CTNNA3: variants seen among roughly 807,000 people sequenced by gnomAD.
CTNNA3 encodes the protein catenin alpha 3.
In CTNNA3, 76 loss-of-function variants were observed where a neutral mutation model predicts 95.7. The observed-to-expected ratio is 0.79, with a 90% CI of 0.66 to 0.96. The LOEUF (loss-of-function observed/expected upper bound fraction) is 0.96, where lower values mean the gene tolerates loss of function less well. Ranked by LOEUF, CTNNA3 falls within the 40% of genes least tolerant of loss-of-function variation. The pLI is 0.00. For synonymous variants in CTNNA3, 431 were observed against 374.4 expected, an observed-to-expected ratio of 1.15 and a Z score of -1.74; for missense variants, 1,191 against 1,089.8, an observed-to-expected ratio of 1.09 and a Z score of -1.31.
chr10:65,935,055 T>C (rs16922196), intron 17 of CTNNA3, among the ~76,000 whole-genome samples: 2,368 of 152,212 alleles, frequency 0.016, 71 homozygotes, highest in African/African-American at 0.054. Flanking sequence ...GCTGAAATGA[T>C]AAGACATGTA....
chr10:66,484,577 G>T (rs2131913047), intron 11 of CTNNA3, among the ~76,000 whole-genome samples: 1 of 152,044 alleles, frequency 6.6e-6, no homozygotes, highest in Non-Finnish European at 1.5e-5. Flanking sequence ...GAAAACATGG[G>T]ATTGGTTCAA....
chr10:67,479,081 C>G (rs1008968649), intron 5 of CTNNA3, among the ~76,000 whole-genome samples: 1 of 152,090 alleles, frequency 6.6e-6, no homozygotes, highest in Non-Finnish European at 1.5e-5. Flanking sequence ...ACAGACTCAA[C>G]AGTAGAGCAC....
intron 17 of CTNNA3, among the ~76,000 whole-genome samples, chr10:65,962,721 G>A (rs559700188): frequency 1.7e-3 from 47 of 28,374 alleles, no homozygotes; most frequent in African/African-American, 6.0e-3. Context: ...CCCACCCCCC[G>A]ACAGGCCCCA....
At chr10:66,336,522 G>T (rs1033426164) in intron 12 of CTNNA3, among the ~76,000 whole-genome samples, 21 of 152,106 alleles carry the variant, frequency 1.4e-4, no homozygotes, top group African/African-American at 5.1e-4. Flanking sequence ...AGGAATTATT[G>T]CATAGTTTAA....
At chr10:66,043,956 C>CTGTGTG (rs59559225) in intron 15 of CTNNA3, among the ~76,000 whole-genome samples, 7,112 of 144,268 alleles carry the variant, frequency 0.049, 113 homozygotes, top group Non-Finnish European at 0.073. Context: ...TAGGACTATG[C>CTGTGTG]TGTGTGTGTG....
At chr10:66,280,939 C>T (rs571642173) in intron 12 of CTNNA3, among the ~76,000 whole-genome samples, 74 of 151,582 alleles carry the variant, frequency 4.9e-4, no homozygotes, top group Admixed American at 1.1e-3. Flanking sequence ...AACCTTGGGA[C>T]CATACAATCA....
intron 9 of CTNNA3, among the ~76,000 whole-genome samples, chr10:66,690,943 C>A (rs536056518): frequency 1.3e-5 from 2 of 152,222 alleles, no homozygotes; most frequent in African/African-American, 4.8e-5. Context: ...CCACCAACAG[C>A]GTAAAAGTGT....
At chr10:66,791,642 G>A (rs1327767312) in intron 7 of CTNNA3, among the ~76,000 whole-genome samples, 1 of 152,186 alleles carries the variant, frequency 6.6e-6, no homozygotes, top group African/African-American at 2.4e-5. Context: ...CAGGGAAGAG[G>A]AATAAATCTG....
intron 7 of CTNNA3, among the ~76,000 whole-genome samples, chr10:67,123,239 T>C (rs779956732): frequency 7.2e-5 from 11 of 152,146 alleles, no homozygotes; most frequent in Non-Finnish European, 1.2e-4. Context: ...ATAAAACTGA[T>C]AAGCTACAGC....
At chr10:67,008,711 G>A (rs903200777) in intron 7 of CTNNA3, among the ~76,000 whole-genome samples, 19 of 152,144 alleles carry the variant, frequency 1.2e-4, no homozygotes, top group South Asian at 4.1e-4. Context: ...TCTGCTCCAT[G>A]TAGTCTTTCA....
At chr10:67,466,354 A>G (rs910789829) in intron 5 of CTNNA3, among the ~76,000 whole-genome samples, 14 of 152,220 alleles carry the variant, frequency 9.2e-5, no homozygotes, top group Admixed American at 6.5e-5. Flanking sequence ...TTAACCCAGC[A>G]ATAGCTTTCT....
chr10:67,210,425 T>TA (rs918102151), intron 6 of CTNNA3, among the ~76,000 whole-genome samples: 3 of 151,942 alleles, frequency 2.0e-5, no homozygotes, highest in Non-Finnish European at 2.9e-5. Flanking sequence ...AAATTCAAAC[T>TA]AAAAAAAAGA....
chr10:67,156,319 C>G (rs1225718050), intron 7 of CTNNA3, among the ~76,000 whole-genome samples: 1 of 151,904 alleles, frequency 6.6e-6, no homozygotes, highest in Non-Finnish European at 1.5e-5. Flanking sequence ...TTTCCTTCTA[C>G]TAACTTTGGG....
At chr10:67,062,638 T>G (rs542317490) in intron 7 of CTNNA3, among the ~76,000 whole-genome samples, 1 of 152,230 alleles carries the variant, frequency 6.6e-6, no homozygotes, top group Admixed American at 6.5e-5. Context: ...CTAACATTCT[T>G]CTTTGCAAAT....
intron 9 of CTNNA3, among the ~76,000 whole-genome samples, chr10:66,629,049 G>T (rs1415956544): frequency 1.3e-5 from 2 of 152,106 alleles, no homozygotes; most frequent in Non-Finnish European, 2.9e-5. Flanking sequence ...AAAGTGGCCA[G>T]AGATAAGAAA....
chr10:66,936,795 C>T (rs12260653), intron 7 of CTNNA3, among the ~76,000 whole-genome samples: 3 of 152,166 alleles, frequency 2.0e-5, no homozygotes, highest in Non-Finnish European at 2.9e-5. Flanking sequence ...GTTTCTTATG[C>T]GTTATCAAAT....
chr10:67,050,664 A>G (rs1308172859), intron 7 of CTNNA3, among the ~76,000 whole-genome samples: 4 of 152,176 alleles, frequency 2.6e-5, no homozygotes, highest in African/African-American at 9.7e-5. Context: ...TCCTGCATGG[A>G]ATTTAAACTA....
intron 7 of CTNNA3, among the ~76,000 whole-genome samples, chr10:67,131,945 C>T (rs1048828065): frequency 2.0e-5 from 3 of 152,048 alleles, no homozygotes; most frequent in Non-Finnish European, 2.9e-5. Context: ...GTATCATACT[C>T]ATATTTCCAT....
chr10:66,053,366 T>C (rs2080004027), intron 15 of CTNNA3, among the ~76,000 whole-genome samples: 1 of 152,112 alleles, frequency 6.6e-6, no homozygotes, highest in African/African-American at 2.4e-5. Flanking sequence ...TTGTTTTGTT[T>C]ATTTTTAAAT....
Sources: gnomAD v4.1 joint callset for allele counts (sites outside exome capture counted in the v4.1 genomes callset) on GRCh38, gnomAD v4.1.1 for gene constraint, MANE v1.5 for transcripts, NCBI Gene and HGNC (gene_info 2026-07-23, HGNC 2026-07-21) for gene names.